Variants in FGF14 observed in about 807,000 individuals in gnomAD.
FGF14 encodes the protein fibroblast growth factor homologous factor 4.
FGF14 carries 5 observed loss-of-function variants against 25.5 expected under a neutral mutation model. That is an observed-to-expected ratio of 0.20 (90% CI 0.10 to 0.41). The LOEUF (loss-of-function observed/expected upper bound fraction) is 0.41, where lower values mean the gene tolerates loss of function less well. FGF14 is among the 10% of genes least tolerant of loss of function. The probability of loss-of-function intolerance (pLI) is 1.00; values close to 1 mark genes in which losing one functional copy is unlikely to be tolerated. For synonymous variants in FGF14, 138 were observed against 118.3 expected (o/e 1.17, Z -1.08); for missense variants, 222 against 320.1 (o/e 0.69, Z 2.34).
intron 1 of FGF14, among the ~76,000 whole-genome samples, chr13:102,207,624 TAAAA>T (rs35568335): frequency 2.2e-5 from 2 of 92,482 alleles, no homozygotes; most frequent in Non-Finnish European, 4.1e-5. Context: ...CAGTTTTCAT[TAAAA>T]AAAAAAAAAA....
chr13:102,085,584 A>C (rs946109991), intron 1 of FGF14, among the ~76,000 whole-genome samples: 1 of 152,196 alleles, frequency 6.6e-6, no homozygotes, highest in African/African-American at 2.4e-5. Flanking sequence ...GCCATTTCCT[A>C]ATTTGATTTC....
intron 1 of FGF14, among the ~76,000 whole-genome samples, chr13:102,229,023 T>C (rs537533623): frequency 6.6e-6 from 1 of 152,308 alleles, no homozygotes; most frequent in South Asian, 2.1e-4. Context: ...TCCTTCTGTA[T>C]TGAGGAAGCA....
At chr13:102,232,436 T>C (rs1358503231) in intron 1 of FGF14, among the ~76,000 whole-genome samples, 2 of 152,212 alleles carry the variant, frequency 1.3e-5, no homozygotes, top group Non-Finnish European at 2.9e-5. Flanking sequence ...AATTATATTC[T>C]GTTAGGTTTT....
intron 1 of FGF14, among the ~76,000 whole-genome samples, chr13:101,940,005 G>A (rs532217673): frequency 6.6e-6 from 1 of 152,292 alleles, no homozygotes; most frequent in Non-Finnish European, 1.5e-5. Context: ...AGAGAGCTCT[G>A]GGTGGGATGC....
intron 1 of FGF14, among the ~76,000 whole-genome samples, chr13:102,302,539 A>C (rs2055124019): frequency 6.6e-6 from 1 of 151,958 alleles, no homozygotes; most frequent in Non-Finnish European, 1.5e-5. Context: ...CTGTGCCCCA[A>C]ATTCCAGACT....
intron 1 of FGF14, among the ~76,000 whole-genome samples, chr13:101,996,967 C>T (rs554288174): frequency 1.3e-5 from 2 of 152,340 alleles, no homozygotes; most frequent in African/African-American, 2.4e-5. Context: ...GTTGCACCTG[C>T]TGTTCCCTCT....
chr13:102,329,917 T>G (rs556427714), intron 1 of FGF14, among the ~76,000 whole-genome samples: 1 of 152,192 alleles, frequency 6.6e-6, no homozygotes, highest in Non-Finnish European at 1.5e-5. Flanking sequence ...GGCAAAACTC[T>G]GATCACATTT....
At chr13:102,290,964 G>A (rs546912890) in intron 1 of FGF14, among the ~76,000 whole-genome samples, 1 of 152,090 alleles carries the variant, frequency 6.6e-6, no homozygotes, top group Non-Finnish European at 1.5e-5. Flanking sequence ...TTCTTTAGGG[G>A]AGCATAAGAT....
chr13:101,780,174 A>T (rs1487072010), intron 3 of FGF14, among the ~76,000 whole-genome samples: 2 of 152,202 alleles, frequency 1.3e-5, no homozygotes, highest in Non-Finnish European at 2.9e-5. Flanking sequence ...GCTAAAATAA[A>T]TAATTATTAA....
At chr13:102,192,494 A>G (rs1223185511) in intron 1 of FGF14, among the ~76,000 whole-genome samples, 1 of 152,080 alleles carries the variant, frequency 6.6e-6, no homozygotes, top group Non-Finnish European at 1.5e-5. Flanking sequence ...AAACTTTCCA[A>G]ATCTTCAACT....
chr13:102,214,668 T>C (rs2050296789), intron 1 of FGF14, among the ~76,000 whole-genome samples: 1 of 152,202 alleles, frequency 6.6e-6, no homozygotes, highest in Non-Finnish European at 1.5e-5. Flanking sequence ...GTTCATTATG[T>C]ATAATTTATA....
At chr13:101,992,231 C>T (rs2038949515) in intron 1 of FGF14, among the ~76,000 whole-genome samples, 1 of 152,072 alleles carries the variant, frequency 6.6e-6, no homozygotes, top group Admixed American at 6.6e-5. Flanking sequence ...TTTTGGGAAA[C>T]CCAAAGCAAT....
At chr13:102,287,574 T>C (rs1188278619) in intron 1 of FGF14, among the ~76,000 whole-genome samples, 1 of 152,226 alleles carries the variant, frequency 6.6e-6, no homozygotes, top group Admixed American at 6.5e-5. Context: ...TAGTAACTTA[T>C]ATCTCCACAA....
At position 102,144,331 on chromosome 13, in the gene FGF14, C is replaced by A. The variant is rs577459708; in HGVS notation, c.208+257140G>T. On this transcript the variant is annotated intron_variant, in intron 1 of 4. Coordinates refer to the FGF14 transcript ENST00000376131. ...CTTCTCCATGATTTTCCTTCAAAAA[C>A]TTTTGATTAGATCAGGATTTTTACA... 1.1e-4 allele frequency among the ~76,000 whole-genome samples: 17 copies of A among 152,286 alleles called. No homozygotes were observed. In the East Asian group the frequency reaches 2.5e-3, roughly 22 times the overall value.
chr13:101,892,810 G>A (rs984450494), intron 1 of FGF14, among the ~76,000 whole-genome samples: 4 of 152,206 alleles, frequency 2.6e-5, no homozygotes, highest in Non-Finnish European at 5.9e-5. Context: ...ACAGGATGCT[G>A]TATGAATCTC....
At chr13:102,044,557 T>C (rs112986668) in intron 1 of FGF14, among the ~76,000 whole-genome samples, 234 of 152,106 alleles carry the variant, frequency 1.5e-3, no homozygotes, top group Non-Finnish European at 2.5e-3. Context: ...ATGCACAAAA[T>C]TTTCTATAAG....
chr13:102,044,161 T>C lies in FGF14; in HGVS notation c.209-168865A>G, dbSNP rs146121004. Among the ~76,000 whole-genome samples the C allele has an allele frequency of 4.7e-4, 71 of 152,232 alleles. No homozygotes were observed. The Middle Eastern group carries it at 0.014, about 29-fold the overall frequency. On this transcript the variant is annotated intron_variant, in intron 1 of 4. Transcript: ENST00000376131. ...CATCTCACCTGGGGTCAAGACCCGG[T>C]TGGCCAGCTGACTGGCCACTGACAT...
intron 3 of FGF14, among the ~76,000 whole-genome samples, chr13:101,846,472 C>T (rs2043466565): frequency 6.6e-6 from 1 of 152,042 alleles, no homozygotes; most frequent in South Asian, 2.1e-4. Context: ...ATATTGACTA[C>T]ACCCTCATTT....
chr13:102,270,088 C>T (rs2053175815), intron 1 of FGF14, among the ~76,000 whole-genome samples: 1 of 151,946 alleles, frequency 6.6e-6, no homozygotes, highest in Non-Finnish European at 1.5e-5. Context: ...AATCTGTTAT[C>T]TGACAATAAA....
Sources: gnomAD v4.1 joint callset for allele counts (sites outside exome capture counted in the v4.1 genomes callset) on GRCh38, gnomAD v4.1.1 for gene constraint, MANE v1.5 for transcripts, NCBI Gene and HGNC (gene_info 2026-07-23, HGNC 2026-07-21) for gene names.